The following HERC4 variants were observed in gnomAD, a reference collection of about 807,000 sequenced individuals.
HERC4 encodes HECT and RLD domain containing E3 ubiquitin protein ligase 4.
HERC4 carries 28 observed loss-of-function variants against 124.3 expected under a neutral mutation model. The observed-to-expected ratio is 0.23, with a 90% confidence interval of 0.17 to 0.31. The LOEUF is 0.31. HERC4 is among the 10% of genes least tolerant of loss of function. The probability of loss-of-function intolerance (pLI) is 1.00; values close to 1 mark genes in which losing one functional copy is unlikely to be tolerated. For synonymous variants in HERC4, 407 were observed against 421.5 expected (o/e 0.97, Z 0.42); for missense variants, 713 against 1,229.3 (o/e 0.58, Z 6.28).
intron 3 of HERC4, among the ~76,000 whole-genome samples, chr10:68,046,641 G>T (rs1413266204): frequency 8.5e-5 from 13 of 152,136 alleles, no homozygotes; most frequent in Non-Finnish European, 1.0e-4. Flanking sequence ...ATATACAAAA[G>T]GCATTAAAGG....
chr10:68,072,968 C>A lies in HERC4; in HGVS notation c.141G>T (p.Val47=). ...ACACTGTTCCATCATCCAGAACAAA[C>A]ACAGTATGTCTGAGTCCACATCCTA... is the stretch of plus-strand genomic sequence containing the variant. ...RDVGCGLRHT[V]FVLDDGTVYT... is the part of the protein sequence containing the mutation. Residue 47 remains valine, a synonymous_variant, in exon 3 of 25, where the codon GTG becomes GTT. Transcript: ENST00000373700. 1 of 1,614,040 alleles carries A rather than the reference C, an allele frequency of 6.2e-7. No individual in the cohort carries two copies. The highest frequency in any genetic ancestry group is 8.5e-7 in the Non-Finnish European group (1 of 1,179,946).
At chr10:67,974,117 C>T (rs983428539) in intron 15 of HERC4, among the ~76,000 whole-genome samples, 3 of 90,918 alleles carry the variant, frequency 3.3e-5, no homozygotes, top group Non-Finnish European at 4.7e-5. Flanking sequence ...CACACACACA[C>T]ACATACACAC....
intron 3 of HERC4, among the ~76,000 whole-genome samples, chr10:68,063,620 A>C (rs2041146696): frequency 6.6e-6 from 1 of 152,220 alleles, no homozygotes; most frequent in Non-Finnish European, 1.5e-5. Context: ...CTTAAAATTA[A>C]AGATGTTCTT....
At chr10:68,055,379 G>A (rs868067751) in intron 3 of HERC4, among the ~76,000 whole-genome samples, 24 of 152,270 alleles carry the variant, frequency 1.6e-4, no homozygotes, top group Non-Finnish European at 2.8e-4. Context: ...ACTAACTTAT[G>A]TGTCTTAGTT....
rs1307165489 is a variant in HERC4, at chr10:68,010,466, C to T, written c.1069+3560G>A. 4.3e-6 allele frequency: 4 copies of T among 929,540 alleles called. No individual in the cohort carries two copies. The African/African-American group carries it at 4.9e-5, about 11-fold the overall frequency. 57.6% of individuals were successfully genotyped at this position (929,540 alleles called of 1,614,324 possible). On this transcript the variant is annotated intron_variant, in intron 9 of 24. Coordinates refer to ENST00000373700, the MANE Select transcript of HERC4 (RefSeq NM_015601.4). ...CCTTCTGGCGCCAATTACAGAACCA[C>T]ACTCGGATCACATCCTTCTAGAGCC...
At position 67,926,975 on chromosome 10, in the gene HERC4, C is replaced by T. The variant is rs142686302; in HGVS notation, c.2839-1788G>A. On this transcript the variant is annotated intron_variant, in intron 23 of 24. Coordinates refer to ENST00000373700, the MANE Select transcript of HERC4 (RefSeq NM_015601.4). ...ATGGTTTCAGCTGTACATTATCCGG[C>T]ACACAGTAGAGGCTCAATAAATACT... 8.3e-3 allele frequency among the ~76,000 whole-genome samples: 1,263 copies of T among 152,272 alleles called. 18 individuals carry two copies. Among genetic ancestry groups the T allele is most frequent in the African/African-American group, 0.029 (1,216 of 41,540 alleles).
chr10:68,006,142 A>G (rs1047162615), intron 9 of HERC4, among the ~76,000 whole-genome samples: 1 of 152,134 alleles, frequency 6.6e-6, no homozygotes, highest in Non-Finnish European at 1.5e-5. Context: ...ATGTCTTTAC[A>G]AGTTGCTGTA....
intron 3 of HERC4, among the ~76,000 whole-genome samples, chr10:68,062,488 C>T (rs1163573823): frequency 2.6e-5 from 4 of 152,150 alleles, no homozygotes; most frequent in Non-Finnish European, 5.9e-5. Flanking sequence ...GGCACGGTGG[C>T]TCACGCCTGT....
chr10:68,049,866 G>T (rs1406585867), intron 3 of HERC4, among the ~76,000 whole-genome samples: 1 of 151,560 alleles, frequency 6.6e-6, no homozygotes, highest in African/African-American at 2.4e-5. Context: ...AGCCGTGATT[G>T]TGCCACTGCA....
intron 23 of HERC4, among the ~76,000 whole-genome samples, chr10:67,928,741 C>T (rs1363527364): frequency 1.3e-5 from 2 of 151,824 alleles, no homozygotes; most frequent in African/African-American, 2.4e-5. Flanking sequence ...CCCAATATGG[C>T]GAAACCCCAT....
At chr10:68,033,823 A>G (rs2039330028) in intron 6 of HERC4, 142 bp downstream of exon 6, 2 of 648,618 alleles carry the variant, frequency 3.1e-6, no homozygotes, top group African/African-American at 3.6e-5. Context: ...GCATTCCCCA[A>G]ATGGAATTTT....
rs984148538 is a variant in HERC4, at chr10:67,956,984, T to C, written c.1927-8A>G. 1.3e-6 allele frequency: 2 copies of C among 1,512,000 alleles called. No homozygotes were observed. The highest frequency in any genetic ancestry group is 2.5e-5 in the South Asian group (2 of 79,490). The allele number at this position is 1,512,000 out of a possible 1,614,324, so 93.7% of individuals were successfully genotyped here. On this transcript the variant is annotated splice_polypyrimidine_tract_variant and splice_region_variant and intron_variant, in intron 16 of 24. Coordinates refer to ENST00000373700, the MANE Select transcript of HERC4 (RefSeq NM_015601.4). ...AACAGGGATATCTGCCAACTGGAAA[T>C]AAAAAATTAACTTATTAGTACAAGT...
intron 21 of HERC4, among the ~76,000 whole-genome samples, chr10:67,938,901 G>A (rs562435582): frequency 5.5e-4 from 84 of 152,178 alleles, no homozygotes; most frequent in African/African-American, 1.9e-3. Context: ...TTGAGATCAC[G>A]TCACTGCACC....
intron 19 of HERC4, among the ~76,000 whole-genome samples, chr10:67,952,440 C>A: frequency 6.6e-6 from 1 of 152,070 alleles, no homozygotes; most frequent in Middle Eastern, 3.4e-3. Context: ...TGTACCACCA[C>A]GCCCAGCTAA....
At chr10:68,003,328 ATTTTTTTT>A (rs34287961) in intron 9 of HERC4, among the ~76,000 whole-genome samples, 1 of 130,840 alleles carries the variant, frequency 7.6e-6, no homozygotes, top group South Asian at 2.4e-4. Context: ...TGCCTGACTA[ATTTTTTTT>A]TTTTTTTTTT....
intron 16 of HERC4, among the ~76,000 whole-genome samples, chr10:67,957,356 A>G (rs868125973): frequency 5.3e-5 from 8 of 152,228 alleles, no homozygotes; most frequent in African/African-American, 1.2e-4. Context: ...GAGGCTAATG[A>G]TAAGTAATCT....
chr10:68,053,476 T>C (rs7920025), intron 3 of HERC4, among the ~76,000 whole-genome samples: 1 of 151,972 alleles, frequency 6.6e-6, no homozygotes, highest in Admixed American at 6.6e-5. Flanking sequence ...ATTAATTTTT[T>C]AATTATTTGT....
chr10:68,002,322 T>C lies in HERC4; in HGVS notation c.1070-9640A>G, dbSNP rs2037278676. Among the ~76,000 whole-genome samples the C allele has an allele frequency of 1.3e-5, 2 of 152,142 alleles. 1 individual carries two copies. Among genetic ancestry groups the C allele is most frequent in the South Asian group, 4.1e-4 (2 of 4,834 alleles). ...GCATCACTTTAAAGAAAATCAGAAT[T>C]CTGGTTTCCATCAATAGATAAACAA... On this transcript the variant is annotated intron_variant, in intron 9 of 24. Coordinates refer to ENST00000373700, the MANE Select transcript of HERC4 (RefSeq NM_015601.4).
chr10:67,925,956 A>C (rs1281843030), intron 23 of HERC4, among the ~76,000 whole-genome samples: 1 of 152,146 alleles, frequency 6.6e-6, no homozygotes, highest in Non-Finnish European at 1.5e-5. Flanking sequence ...TTCATGAGGG[A>C]ACCCTGAGCC....
Sources: gnomAD v4.1 joint callset for allele counts (sites outside exome capture counted in the v4.1 genomes callset) on GRCh38, gnomAD v4.1.1 for gene constraint, MANE v1.5 for transcripts, NCBI Gene and HGNC (gene_info 2026-07-23, HGNC 2026-07-21) for gene names.